Variants in SAMSN1 observed in about 807,000 individuals in gnomAD.
The protein encoded by SAMSN1 is SAM domain-containing protein SAMSN-1.
SAMSN1 carries 31 observed loss-of-function variants against 42.0 expected under a neutral mutation model. The ratio of observed to expected loss-of-function variants is 0.74; its 90% confidence interval spans 0.55 to 1.00. The LOEUF is 1.00. Among genes scored for constraint, SAMSN1 ranks in the 50% least tolerant of loss-of-function variants. The pLI is 0.00. For missense variants in SAMSN1, 464 were observed against 439.4 expected (o/e 1.06, Z -0.50); for synonymous variants, 178 against 151.9 (o/e 1.17, Z -1.26).
upstream of SAMSN1, among the ~76,000 whole-genome samples, chr21:14,587,821 G>A (rs376929895): frequency 7.1e-4 from 107 of 151,024 alleles, 2 homozygotes; most frequent in South Asian, 0.021. Flanking sequence ...ACATTGTGCA[G>A]GTTAGTTACA....
At chr21:14,658,876 A>G (rs1251982127), upstream of SAMSN1, 3 of 684,194 alleles carry the variant, frequency 4.4e-6, 1 homozygote, top group Admixed American at 4.5e-5. Context: ...ATGGGAGATT[A>G]TTACAAAGTA....
At chr21:14,590,712 G>T (rs1029859972) in intron 7 of SAMSN1, among the ~76,000 whole-genome samples, 1 of 152,140 alleles carries the variant, frequency 6.6e-6, no homozygotes, top group Non-Finnish European at 1.5e-5. Context: ...GAATGGGAAG[G>T]TGCTTAGAGA....
chr21:14,516,547 A>G (rs1987927745), intron 3 of SAMSN1, among the ~76,000 whole-genome samples: 2 of 152,124 alleles, frequency 1.3e-5, no homozygotes, highest in South Asian at 2.1e-4. Flanking sequence ...GTGCACCACC[A>G]TGCTCAGCTA....
chr21:14,635,951 C>A (rs1278193316), intron 2 of SAMSN1, among the ~76,000 whole-genome samples: 2 of 152,018 alleles, frequency 1.3e-5, no homozygotes, highest in Non-Finnish European at 2.9e-5. Flanking sequence ...CTAATGCTAT[C>A]CCTCCCCCAG....
At chr21:14,556,640 A>C (rs1980771074) in intron 2 of SAMSN1, among the ~76,000 whole-genome samples, 1 of 152,152 alleles carries the variant, frequency 6.6e-6, no homozygotes, top group Admixed American at 6.5e-5. Context: ...CTCCCACCCA[A>C]CACACACAAA....
At chr21:14,524,085 C>T (rs1022223091) in intron 1 of SAMSN1, among the ~76,000 whole-genome samples, 8 of 152,212 alleles carry the variant, frequency 5.3e-5, no homozygotes, top group African/African-American at 1.7e-4. Flanking sequence ...AACTAACTTT[C>T]TCAGATGGTT....
upstream of SAMSN1, chr21:14,546,426 AT>A (rs1288136998): frequency 1.3e-4 from 150 of 1,172,086 alleles, no homozygotes; most frequent in East Asian, 4.7e-4. Flanking sequence ...TACATGGGTA[AT>A]TTTTTTTTCT....
intron 2 of SAMSN1, among the ~76,000 whole-genome samples, chr21:14,635,154 G>A (rs1431869444): frequency 3.3e-5 from 5 of 152,122 alleles, no homozygotes; most frequent in Non-Finnish European, 7.4e-5. Context: ...ACACAGGGAG[G>A]GGAACAACAC....
intron 2 of SAMSN1, among the ~76,000 whole-genome samples, chr21:14,579,674 G>T (rs1981639419): frequency 1.5e-5 from 2 of 134,276 alleles, no homozygotes; most frequent in South Asian, 4.7e-4. Flanking sequence ...TGGAGGCAGG[G>T]TCTCACTTTG....
chr21:14,567,177 G>T (rs981034491), intron 2 of SAMSN1, among the ~76,000 whole-genome samples: 13 of 151,850 alleles, frequency 8.6e-5, no homozygotes, highest in African/African-American at 3.1e-4. Flanking sequence ...TACCAGGGCG[G>T]TGTTGTCAGA....
intron 1 of SAMSN1, among the ~76,000 whole-genome samples, chr21:14,541,274 T>C (rs866145834): frequency 6.9e-5 from 10 of 145,846 alleles, no homozygotes; most frequent in African/African-American, 2.6e-4. Context: ...AGTATAATAA[T>C]GGAAAAATAA....
chr21:14,630,020 T>C (rs458959), intron 2 of SAMSN1, among the ~76,000 whole-genome samples: 120,774 of 152,140 alleles, frequency 0.79, 49,276 homozygotes, highest in Middle Eastern at 0.9. Flanking sequence ...TTATCTTCTT[T>C]AATCTTCATA....
intron 2 of SAMSN1, among the ~76,000 whole-genome samples, chr21:14,561,736 C>T (rs1007769772): frequency 6.6e-6 from 1 of 152,162 alleles, no homozygotes; most frequent in Admixed American, 6.5e-5. Flanking sequence ...AGGGTGAACC[C>T]TTAATCCAAT....
chr21:14,499,463 G>A (rs945559959), intron 6 of SAMSN1, among the ~76,000 whole-genome samples: 1 of 143,514 alleles, frequency 7.0e-6, no homozygotes, highest in Non-Finnish European at 1.5e-5. Flanking sequence ...TAAGTAATCA[G>A]GGAGAACTTA....
intron 1 of SAMSN1, among the ~76,000 whole-genome samples, chr21:14,531,473 C>A (rs1385854834): frequency 2.7e-5 from 4 of 148,458 alleles, no homozygotes; most frequent in Non-Finnish European, 4.5e-5. Context: ...TAGATGTAAG[C>A]TTTTTTTTTT....
intron 2 of SAMSN1, among the ~76,000 whole-genome samples, chr21:14,577,811 T>G (rs1276543832): frequency 2.0e-5 from 3 of 152,212 alleles, no homozygotes; most frequent in Non-Finnish European, 2.9e-5. Context: ...CCTTTCCCAT[T>G]TCTCTTGTGG....
At position 14,494,779 on chromosome 21, in the gene SAMSN1, G is replaced by T. The variant is rs549693574; in HGVS notation, c.919+3663C>A. On this transcript the variant is annotated intron_variant, in intron 7 of 7. Transcript: ENST00000400566. Reference sequence around the variant, plus strand: ...GTGGGTACAATGCTATCTATCTTGGGCTAAGAAGAGAAAAGGAAAAATTCT... The same window carrying T: ...GTGGGTACAATGCTATCTATCTTGGTCTAAGAAGAGAAAAGGAAAAATTCT... Among the ~76,000 whole-genome samples the T allele has an allele frequency of 1.7e-3, 265 of 151,908 alleles. 1 individual carries two copies. Among genetic ancestry groups the T allele is most frequent in the Non-Finnish European group, 2.8e-3 (190 of 67,976 alleles).
At chr21:14,574,190 C>T (rs1172064187) in intron 2 of SAMSN1, among the ~76,000 whole-genome samples, 2 of 152,194 alleles carry the variant, frequency 1.3e-5, no homozygotes, top group East Asian at 1.9e-4. Context: ...GCATATTGGG[C>T]CCCCACCTCA....
At chr21:14,546,144 T>C in intron 1 of SAMSN1, 61 bp downstream of exon 1, 1 of 1,419,096 alleles carries the variant, frequency 7.0e-7, no homozygotes, top group Middle Eastern at 2.1e-4. Flanking sequence ...CAAACACACA[T>C]ATGTGTTTAT....
Sources: gnomAD v4.1 joint callset for allele counts (sites outside exome capture counted in the v4.1 genomes callset) on GRCh38, gnomAD v4.1.1 for gene constraint, MANE v1.5 for transcripts, NCBI Gene and HGNC (gene_info 2026-07-23, HGNC 2026-07-21) for gene names.